The following WNT6 variants were observed in gnomAD, a reference collection of about 807,000 sequenced individuals.
WNT6 encodes the protein Wnt family member 6.
Under a neutral mutation model 33.1 loss-of-function variants are expected in WNT6, and 27 were observed. That is an observed-to-expected ratio of 0.82 (90% CI 0.60 to 1.12). The LOEUF (loss-of-function observed/expected upper bound fraction) is 1.12. Ranked by LOEUF, WNT6 falls within the 50% of genes most tolerant of loss-of-function variation. The pLI is 0.00. For missense variants in WNT6, 494 were observed against 535.3 expected (o/e 0.92, Z 0.76); for synonymous variants, 249 against 242.8 (o/e 1.03, Z -0.24).
intron 3 of WNT6, among the ~76,000 whole-genome samples, chr2:218,872,262 G>C (rs896943241): frequency 6.6e-6 from 1 of 152,178 alleles, no homozygotes; most frequent in Non-Finnish European, 1.5e-5. Context: ...AAGGTCTGGG[G>C]TTTTGGTACA....
intron 1 of WNT6, among the ~76,000 whole-genome samples, chr2:218,866,093 G>A (rs1268905050): frequency 3.3e-5 from 5 of 151,836 alleles, no homozygotes; most frequent in Admixed American, 2.0e-4. Flanking sequence ...CGGCCCAGCC[G>A]CCTCAGCAGC....
Position 218,873,882 on chromosome 2 carries a change from G to A in WNT6, c.*37G>A, listed in dbSNP as rs1279938402. On this transcript the variant is annotated 3_prime_UTR_variant, in exon 4 of 4. Transcript: ENST00000233948. This position sits in a 1 kb window ranked among gnomAD's most constrained non-coding sequence, Gnocchi z 6.1. The stretch of plus-strand genomic sequence containing the variant: ...GCCGCTAGACTGACTTCGCGCAGCG[G>A]TGGCTCGCACCTGTGGGACCTCAGG... 78 of 1,412,966 alleles carry A rather than the reference G, an allele frequency of 5.5e-5. No homozygotes were observed. The highest frequency in any genetic ancestry group is 7.1e-5 in the Non-Finnish European group (77 of 1,088,932). 87.5% of individuals were successfully genotyped at this position (1,412,966 alleles called of 1,614,324 possible). A position where few individuals can be genotyped will look rare whatever the true frequency, so the allele number is the denominator to read the frequency against.
rs1234218918 is a variant in WNT6, at chr2:218,873,606, G to A, written c.859G>A (p.Ala287Thr). Reference protein sequence around the residue: ...KPPGRADLLYAADSPDFCAPN... With the variant: ...KPPGRADLLYTADSPDFCAPN... Reference sequence around the variant, plus strand: ...GCCGGGCCGAGCGGACCTCCTCTACGCCGCCGATTCGCCCGACTTCTGCGC... The same window carrying A: ...GCCGGGCCGAGCGGACCTCCTCTACACCGCCGATTCGCCCGACTTCTGCGC... Residue 287 changes from alanine (A) to threonine (T), a missense_variant, in exon 4 of 4, where the codon GCC (alanine) becomes ACC (threonine). Ala to Thr is a moderately conservative substitution (Grantham distance 58, BLOSUM62 0). Transcript: ENST00000233948. This position sits in a 1 kb window ranked among gnomAD's most constrained non-coding sequence, Gnocchi z 6.1. The A allele has an allele frequency of 6.4e-7, 1 of 1,562,208 alleles. No homozygotes were observed. The highest frequency in any genetic ancestry group is 2.4e-5 in the East Asian group (1 of 41,420).
rs1944398528 is a variant in WNT6 at position 218,871,322 on chromosome 2, G to C, written c.301+75G>C. ...GACCCGAGGAGAGGAGAACTGGTTC[G>C]CTGAAGTTGCCTGAGCCCCACTTCC... is the stretch of plus-strand genomic sequence containing the variant. On this transcript the variant is annotated intron_variant, in intron 2 of 3. Transcript: ENST00000233948. This position sits in a 1 kb window ranked among gnomAD's most constrained non-coding sequence, Gnocchi z 6.4. The C allele has an allele frequency of 6.5e-7, 1 of 1,531,794 alleles. No homozygotes were observed. Among genetic ancestry groups the C allele is most frequent in the Non-Finnish European group, 8.9e-7 (1 of 1,127,936 alleles). The allele number at this position is 1,531,794 out of a possible 1,614,324, so 94.9% of individuals were successfully genotyped here. A position where few individuals can be genotyped will look rare whatever the true frequency, so the allele number is the denominator to read the frequency against.
intron 1 of WNT6, among the ~76,000 whole-genome samples, chr2:218,868,915 C>T (rs1944375922): frequency 6.6e-6 from 1 of 152,126 alleles, no homozygotes; most frequent in East Asian, 1.9e-4. Context: ...CCCTGCACAG[C>T]CATGTTGGAA....
At chr2:218,862,385 G>A (rs903690877) in intron 1 of WNT6, among the ~76,000 whole-genome samples, 83 of 151,516 alleles carry the variant, frequency 5.5e-4, no homozygotes, top group African/African-American at 1.9e-3. Flanking sequence ...TCGTTCTGTC[G>A]CCCAGGCTGG....
Position 218,870,982 on chromosome 2 carries a change from C to G in WNT6, c.81-45C>G, listed in dbSNP as rs371122623. 3.9e-6 allele frequency: 6 copies of G among 1,527,544 alleles called. No individual in the cohort carries two copies. In the African/African-American group the frequency reaches 6.9e-5, roughly 18 times the overall value. 94.6% of individuals were successfully genotyped at this position (1,527,544 alleles called of 1,614,324 possible). A position where few individuals can be genotyped will look rare whatever the true frequency, so the allele number is the denominator to read the frequency against. ...GGTCCTCCTCCCTTCCACCCCAAGC[C>G]CTTTTTTGGGTTACACCCCTGACCT... On this transcript the variant is annotated intron_variant, in intron 1 of 3. Coordinates refer to ENST00000233948, the MANE Select transcript of WNT6 (RefSeq NM_006522.4).
chr2:218,871,786 G>T lies in WNT6; in HGVS notation c.603G>T (p.Leu201Phe). Residue 201 changes from leucine (L) to phenylalanine (F), a missense_variant, in exon 3 of 4, where the codon TTG becomes TTT. Leu to Phe is a conservative substitution (Grantham distance 22, BLOSUM62 0). Transcript: ENST00000233948. The surrounding 1 kb of genome is among the most constrained non-coding windows in gnomAD (Gnocchi z 6.4). ...GGGGACGCGGAGACATCCGCGCGTT[G>T]GTGCAACTGCACAACAACGAGGCGG... Reference protein sequence around the residue: ...HKRGRGDIRALVQLHNNEAGR... With the variant: ...HKRGRGDIRAFVQLHNNEAGR... 6.3e-7 allele frequency: 1 copy of T among 1,597,082 alleles called. No individual in the cohort carries two copies.
At chr2:218,865,794 A>G (rs901552094) in intron 1 of WNT6, among the ~76,000 whole-genome samples, 1 of 152,128 alleles carries the variant, frequency 6.6e-6, no homozygotes, top group Non-Finnish European at 1.5e-5. Flanking sequence ...AGCCCTGACC[A>G]ATAGGAAGCC....
At chr2:218,861,657 G>A (rs963777656) in intron 1 of WNT6, among the ~76,000 whole-genome samples, 1 of 152,092 alleles carries the variant, frequency 6.6e-6, no homozygotes, top group East Asian at 1.9e-4. Flanking sequence ...CCCCATAAAC[G>A]CCTAACTTTG....
intron 1 of WNT6, among the ~76,000 whole-genome samples, chr2:218,861,068 G>T (rs1181111948): frequency 2.0e-5 from 3 of 152,208 alleles, no homozygotes; most frequent in African/African-American, 7.2e-5. Flanking sequence ...TCCTAAGAAG[G>T]CAGGGTCGTG....
At chr2:218,863,003 T>G (rs1052924869) in intron 1 of WNT6, among the ~76,000 whole-genome samples, 2 of 152,182 alleles carry the variant, frequency 1.3e-5, no homozygotes, top group African/African-American at 4.8e-5. Context: ...TTGTGCCTGG[T>G]CACTTGTCTA....
At position 218,873,879 on chromosome 2, in the gene WNT6, G is replaced by C. The variant is rs770222960; in HGVS notation, c.*34G>C. 17 of 1,413,422 alleles carry C rather than the reference G, an allele frequency of 1.2e-5. No homozygotes were observed. In the Admixed American group the frequency reaches 5.0e-4, roughly 41 times the overall value. The allele number at this position is 1,413,422 out of a possible 1,614,324, so 87.6% of individuals were successfully genotyped here. A position where few individuals can be genotyped will look rare whatever the true frequency, so the allele number is the denominator to read the frequency against. On this transcript the variant is annotated 3_prime_UTR_variant, in exon 4 of 4. Transcript: ENST00000233948. This position sits in a 1 kb window ranked among gnomAD's most constrained non-coding sequence, Gnocchi z 6.1. Reference sequence around the variant, plus strand: ...CCGGCCGCTAGACTGACTTCGCGCAGCGGTGGCTCGCACCTGTGGGACCTC... The same window carrying C: ...CCGGCCGCTAGACTGACTTCGCGCACCGGTGGCTCGCACCTGTGGGACCTC...
intron 1 of WNT6, among the ~76,000 whole-genome samples, chr2:218,865,165 C>T (rs1409817991): frequency 1.3e-5 from 2 of 152,238 alleles, no homozygotes; most frequent in Non-Finnish European, 2.9e-5. Context: ...TCATCAGGCC[C>T]AGCAAGCGGG....
rs1348246285 is a variant in WNT6, at chr2:218,873,776, C to T, written c.1029C>T (p.Arg343=). ...SVQLEENCLC[R]FHWCCVVQCH... The stretch of plus-strand genomic sequence containing the variant: ...AGCTCGAAGAGAACTGCCTGTGCCG[C>T]TTCCACTGGTGCTGCGTAGTACAGT... Residue 343 remains arginine, a synonymous_variant, in exon 4 of 4, where the codon CGC becomes CGT. Coordinates refer to ENST00000233948, the MANE Select transcript of WNT6 (RefSeq NM_006522.4). This position sits in a 1 kb window ranked among gnomAD's most constrained non-coding sequence, Gnocchi z 6.1. The T allele has an allele frequency of 6.3e-7, 1 of 1,587,732 alleles. No individual in the cohort carries two copies. Among genetic ancestry groups the T allele is most frequent in the Non-Finnish European group, 8.5e-7 (1 of 1,173,238 alleles).
chr2:218,859,991 C>T lies in WNT6; in HGVS notation c.-47C>T. On this transcript the variant is annotated 5_prime_UTR_variant, in exon 1 of 4. Transcript: ENST00000233948. ...GGGCCCTCGCGCGCCGCGGTTCGCCCCGCAGCCTCGCCCCCTGCCCACCCG... is the reference window on the plus strand; with the variant it reads ...GGGCCCTCGCGCGCCGCGGTTCGCCTCGCAGCCTCGCCCCCTGCCCACCCG... 6 of 1,336,096 alleles carry T rather than the reference C, an allele frequency of 4.5e-6. No individual in the cohort carries two copies. The highest frequency in any genetic ancestry group is 4.8e-6 in the Non-Finnish European group (5 of 1,039,196). The allele number at this position is 1,336,096 out of a possible 1,614,324, so 82.8% of individuals were successfully genotyped here.
In WNT6 at chr2:218,871,150, CGCCCGGCTCGGGGT is replaced by C. The variant is rs2106005389; in HGVS notation, c.207_220del (p.Leu71ValfsTer237). On this transcript the variant is annotated frameshift_variant, in exon 2 of 4. Transcript: ENST00000233948. LOFTEE classifies it high-confidence loss of function. This position sits in a 1 kb window ranked among gnomAD's most constrained non-coding sequence, Gnocchi z 6.4. ...AAGTGGTGGCAGAGCTAGCTCGGGG[CGCCCGGCTCGGGGT>C]GCGAGAGTGCCAGTTCCAGTTCCGC... The C allele has an allele frequency of 6.2e-7, 1 of 1,613,772 alleles. No individual in the cohort carries two copies. Among genetic ancestry groups the C allele is most frequent in the East Asian group, 2.2e-5 (1 of 44,880 alleles).
chr2:218,860,253 G>A (rs1559406347), intron 1 of WNT6, 136 bp downstream of exon 1: 8 of 790,442 alleles, frequency 1.0e-5, no homozygotes, highest in East Asian at 3.4e-5. Flanking sequence ...GGCCGGGGGC[G>A]TTTCTGAACT....
At position 218,871,692 on chromosome 2, in the gene WNT6, G is replaced by T; in HGVS notation, c.509G>T (p.Gly170Val). The T allele has an allele frequency of 6.3e-7, 1 of 1,578,362 alleles. No individual in the cohort carries two copies. The highest frequency in any genetic ancestry group is 1.1e-5 in the South Asian group (1 of 88,400). Reference sequence around the variant, plus strand: ...GAAGGCAGCGCCGCCTGGGAGTGGGGAGGCTGCGGCGACGACGTGGACTTC... The same window carrying T: ...GAAGGCAGCGCCGCCTGGGAGTGGGTAGGCTGCGGCGACGACGTGGACTTC... The part of the protein sequence containing the change: ...SPEGSAAWEW[G>V]GCGDDVDFGD... The change falls in exon 3 of 4, where the codon GGA (glycine) becomes GTA (valine). Residue 170 changes from glycine to valine, a missense_variant. Coordinates refer to ENST00000233948, the MANE Select transcript of WNT6 (RefSeq NM_006522.4). The surrounding 1 kb of genome is among the most constrained non-coding windows in gnomAD (Gnocchi z 6.4).
Sources: allele counts gnomAD v4.1 joint callset (sites outside exome capture counted in the v4.1 genomes callset), GRCh38; gene constraint gnomAD v4.1.1; non-coding constraint Gnocchi (gnomAD v3.1); transcripts MANE v1.5; gene names NCBI Gene and HGNC (gene_info 2026-07-23, HGNC 2026-07-21).